CAB39: variants seen among roughly 807,000 people sequenced by gnomAD.
The protein encoded by CAB39 is calcium-binding protein 39.
CAB39 carries 8 observed loss-of-function variants against 40.0 expected under a neutral mutation model. The observed-to-expected ratio is 0.20, with a 90% CI of 0.12 to 0.36. The LOEUF (loss-of-function observed/expected upper bound fraction) is 0.36, where lower values mean the gene tolerates loss of function less well. Ranked by LOEUF, CAB39 falls within the 10% of genes least tolerant of loss-of-function variation. CAB39 has a pLI of 1.00. For synonymous variants in CAB39, 156 were observed against 141.6 expected (o/e 1.10, Z -0.72); for missense variants, 270 against 401.1 (o/e 0.67, Z 2.79).
chr2:230,759,650 G>A (rs1020797737), intron 1 of CAB39, among the ~76,000 whole-genome samples: 5 of 152,194 alleles, frequency 3.3e-5, no homozygotes, highest in African/African-American at 2.4e-5. Context: ...CCCTGTGAGT[G>A]GGAGCTGCTG....
At chr2:230,785,067 C>T (rs755021844) in intron 2 of CAB39, among the ~76,000 whole-genome samples, 52 of 152,254 alleles carry the variant, frequency 3.4e-4, no homozygotes, top group Non-Finnish European at 4.7e-4. Context: ...TCCGGTGTGC[C>T]TAATTCTGTC....
chr2:230,780,042 CTTAA>C (rs1441766935), intron 2 of CAB39, among the ~76,000 whole-genome samples: 1 of 152,110 alleles, frequency 6.6e-6, no homozygotes, highest in African/African-American at 2.4e-5. Flanking sequence ...GTCCAGTTCC[CTTAA>C]TTATCGGATG....
At chr2:230,805,259 G>A (rs1010025555) in intron 5 of CAB39, among the ~76,000 whole-genome samples, 7 of 151,984 alleles carry the variant, frequency 4.6e-5, no homozygotes, top group Non-Finnish European at 1.0e-4. Flanking sequence ...ATGGGGTGGC[G>A]GGGTGGGGGA....
chr2:230,775,965 G>A (rs1428510638), intron 2 of CAB39, among the ~76,000 whole-genome samples: 1 of 152,222 alleles, frequency 6.6e-6, no homozygotes, highest in African/African-American at 2.4e-5. Flanking sequence ...TCCTACGTCT[G>A]TCAGAGACAG....
chr2:230,725,326 A>G, intron 1 of CAB39: 1 of 1,577,354 alleles, frequency 6.3e-7, no homozygotes, highest in African/African-American at 1.4e-5. Context: ...GGACTTCACC[A>G]ATCCCAGCCA....
At chr2:230,808,764 CTG>C (rs1696249991) in intron 5 of CAB39, among the ~76,000 whole-genome samples, 1 of 152,166 alleles carries the variant, frequency 6.6e-6, no homozygotes, top group Non-Finnish European at 1.5e-5. Flanking sequence ...GTTTGAACAA[CTG>C]TAAATCTTTG....
chr2:230,794,752 C>T (rs1695951811), intron 4 of CAB39, among the ~76,000 whole-genome samples: 1 of 152,156 alleles, frequency 6.6e-6, no homozygotes, highest in South Asian at 2.1e-4. Context: ...CATACCGGTT[C>T]CTACCCTAAA....
At chr2:230,765,235 C>T (rs1403376099) in intron 2 of CAB39, among the ~76,000 whole-genome samples, 1 of 152,128 alleles carries the variant, frequency 6.6e-6, no homozygotes, top group African/African-American at 2.4e-5. Flanking sequence ...GTGATCCACC[C>T]GCCTTGGCCT....
chr2:230,719,341 A>AGGG (rs1165498098), intron 1 of CAB39, among the ~76,000 whole-genome samples: 1 of 152,170 alleles, frequency 6.6e-6, no homozygotes, highest in African/African-American at 2.4e-5. Flanking sequence ...ACTTCAAAAT[A>AGGG]TGTGCTCCCT....
In CAB39 at chr2:230,772,181, C is replaced by T. The variant is rs1008780325; in HGVS notation, c.114+12066C>T. On this transcript the variant is annotated intron_variant, in intron 2 of 8. Transcript: ENST00000258418. ...TGCAAAGCATATATCTGATAAAAGA[C>T]TGCATCTAGAATATATAAAGAATTC... is the stretch of plus-strand genomic sequence containing the variant. 3.3e-5 allele frequency among the ~76,000 whole-genome samples: 5 copies of T among 152,190 alleles called. No individual in the cohort carries two copies. In the South Asian group the frequency reaches 1.0e-3, roughly 32 times the overall value.
rs1696477524 is a variant in CAB39, at chr2:230,819,902, A to G, written c.*1198A>G. Reference sequence around the variant, plus strand: ...TAGAGCACCTTTTCTTTCTTAGACTAAGTAACCCAGTACAATAGTTGTGAA... The same window carrying G: ...TAGAGCACCTTTTCTTTCTTAGACTGAGTAACCCAGTACAATAGTTGTGAA... On this transcript the variant is annotated 3_prime_UTR_variant, in exon 9 of 9. Coordinates refer to ENST00000258418, the MANE Select transcript of CAB39 (RefSeq NM_016289.4). 1 of 152,650 alleles carries G rather than the reference A, an allele frequency of 6.6e-6. No homozygotes were observed. Among genetic ancestry groups the G allele is most frequent in the Admixed American group, 6.5e-5 (1 of 15,274 alleles). 9.5% of individuals were successfully genotyped at this position (152,650 alleles called of 1,614,324 possible).
chr2:230,730,242 G>A (rs537994093), intron 1 of CAB39, among the ~76,000 whole-genome samples: 2 of 152,184 alleles, frequency 1.3e-5, no homozygotes, highest in Admixed American at 1.3e-4. Context: ...TCGAGTAGCT[G>A]GGACTGCAGG....
At chr2:230,772,795 G>A (rs796262711) in intron 2 of CAB39, among the ~76,000 whole-genome samples, 9 of 152,134 alleles carry the variant, frequency 5.9e-5, no homozygotes, top group African/African-American at 2.2e-4. Flanking sequence ...TAGTTTGGCA[G>A]CTTTTTAAAC....
intron 2 of CAB39, among the ~76,000 whole-genome samples, chr2:230,781,317 A>C (rs1386476256): frequency 1.3e-5 from 2 of 152,160 alleles, no homozygotes; most frequent in Non-Finnish European, 2.9e-5. Context: ...GCCGTCTTGA[A>C]ATATGTGCTG....
At chr2:230,742,081 A>C (rs571306780) in intron 1 of CAB39, among the ~76,000 whole-genome samples, 55 of 152,368 alleles carry the variant, frequency 3.6e-4, no homozygotes, top group African/African-American at 1.3e-3. Context: ...CATACTCAGC[A>C]TGCAGTTCCA....
intron 1 of CAB39, among the ~76,000 whole-genome samples, chr2:230,746,300 G>T (rs1694975249): frequency 6.6e-6 from 1 of 152,108 alleles, no homozygotes. Context: ...GGTGCAGGGT[G>T]GTTTCATGGA....
At chr2:230,800,237 C>G (rs1047912054) in intron 5 of CAB39, among the ~76,000 whole-genome samples, 1 of 151,862 alleles carries the variant, frequency 6.6e-6, no homozygotes, top group Non-Finnish European at 1.5e-5. Flanking sequence ...GAATGAATGC[C>G]CTAAAGATAG....
At chr2:230,724,194 C>T (rs1694508767) in intron 1 of CAB39, among the ~76,000 whole-genome samples, 1 of 151,382 alleles carries the variant, frequency 6.6e-6, no homozygotes, top group Admixed American at 6.6e-5. Context: ...TTGCAGCGCG[C>T]CGAGATTGCG....
At chr2:230,783,688 T>G (rs1004195200) in intron 2 of CAB39, among the ~76,000 whole-genome samples, 18 of 150,736 alleles carry the variant, frequency 1.2e-4, no homozygotes, top group Admixed American at 8.7e-4. Context: ...TTAGGAGAGA[T>G]AGGGTCTCTC....
Sources: gnomAD v4.1 joint callset for allele counts (sites outside exome capture counted in the v4.1 genomes callset) on GRCh38, gnomAD v4.1.1 for gene constraint, MANE v1.5 for transcripts, NCBI Gene and HGNC (gene_info 2026-07-23, HGNC 2026-07-21) for gene names.